OTOF: variants seen among roughly 807,000 people sequenced by gnomAD.
OTOF encodes otoferlin, also known as fer-1-like family member 2.
OTOF carries 218 observed loss-of-function variants against 236.8 expected under a neutral mutation model. The observed-to-expected ratio is 0.92, with a 90% CI of 0.82 to 1.03. The LOEUF is 1.03. Ranked by LOEUF, OTOF falls within the 50% of genes least tolerant of loss-of-function variation. The pLI is 0.00. For synonymous variants in OTOF, 1,041 were observed against 1,072.5 expected, an observed-to-expected ratio of 0.97 and a Z score of 0.57; for missense variants, 2,590 against 2,694.4, an observed-to-expected ratio of 0.96 and a Z score of 0.86.
intron 18 of OTOF, among the ~76,000 whole-genome samples, chr2:26,478,690 G>T (rs1166941775): frequency 6.6e-6 from 1 of 150,604 alleles, no homozygotes; most frequent in Non-Finnish European, 1.5e-5. Context: ...TTTTTATTTT[G>T]TTTTATTTTA....
intron 1 of OTOF, among the ~76,000 whole-genome samples, chr2:26,555,041 G>A (rs1298940322): frequency 6.6e-6 from 1 of 152,204 alleles, no homozygotes; most frequent in Non-Finnish European, 1.5e-5. Context: ...GCTCAGCACT[G>A]GACAGAAGGT....
chr2:26,462,231 C>G lies in OTOF; in HGVS notation c.5193-50G>C, dbSNP rs757145355. The stretch of plus-strand genomic sequence containing the variant: ...TTAGCAGCCCCAGGTGGGGGTTATG[C>G]CAGGGTGCCAGGGCTGGGATGGGGC... On this transcript the variant is annotated intron_variant, in intron 41 of 46. Coordinates refer to ENST00000272371, the MANE Select transcript of OTOF (RefSeq NM_194248.3). The surrounding 1 kb of genome is among the most constrained non-coding windows in gnomAD (Gnocchi z 4.7). 22 of 1,499,150 alleles carry G rather than the reference C, an allele frequency of 1.5e-5. No homozygotes were observed. Among genetic ancestry groups the G allele is most frequent in the East Asian group, 2.3e-5 (1 of 44,326 alleles). 92.9% of individuals were successfully genotyped at this position (1,499,150 alleles called of 1,614,324 possible).
chr2:26,479,666 G>A lies in OTOF; in HGVS notation c.1913-13C>T. On this transcript the variant is annotated splice_polypyrimidine_tract_variant and intron_variant, in intron 16 of 46. Coordinates refer to ENST00000272371, the MANE Select transcript of OTOF (RefSeq NM_194248.3). ...TTCCCATAGTTGCCTGGAGCAGAAT[G>A]GGCCCAGAAGGCCTAGAGTGCATTC... The A allele has an allele frequency of 6.2e-7, 1 of 1,611,844 alleles. No homozygotes were observed. Among genetic ancestry groups the A allele is most frequent in the Non-Finnish European group, 8.5e-7 (1 of 1,179,192 alleles).
At chr2:26,552,801 G>T (rs1024776832) in intron 1 of OTOF, among the ~76,000 whole-genome samples, 3 of 152,120 alleles carry the variant, frequency 2.0e-5, no homozygotes, top group Admixed American at 6.5e-5. Context: ...AAACAAAAGC[G>T]CAGGGCTGTG....
chr2:26,523,934 A>C (rs1457795755), intron 3 of OTOF, among the ~76,000 whole-genome samples: 1 of 152,168 alleles, frequency 6.6e-6, no homozygotes, highest in Non-Finnish European at 1.5e-5. Flanking sequence ...ATCATTCCAA[A>C]CACCTCTCTC....
intron 22 of OTOF, 134 bp from the exon 23 acceptor site, chr2:26,476,451 C>T (rs1572427777): frequency 6.1e-6 from 5 of 818,774 alleles, no homozygotes; most frequent in Admixed American, 4.4e-5. Context: ...GGCTGGGGTC[C>T]GGTGGAGGCA....
chr2:26,467,032 TG>T, intron 35 of OTOF, 66 bp downstream of exon 35: 1 of 1,329,740 alleles, frequency 7.5e-7, no homozygotes, highest in Non-Finnish European at 1.0e-6. Context: ...GGGAGGTGAG[TG>T]GGGGAACCTG....
In OTOF at chr2:26,502,447, G is replaced by A. The variant is rs774716510; in HGVS notation, c.584-21C>T. 14 of 1,609,508 alleles carry A rather than the reference G, an allele frequency of 8.7e-6. No homozygotes were observed. In the African/African-American group the frequency reaches 1.5e-4, roughly 17 times the overall value. The stretch of plus-strand genomic sequence containing the variant: ...TTCATCTGGGGAAGATGAAAGACTG[G>A]TTAGGTGGGCTGACTGATGGTGAGA... On this transcript the variant is annotated intron_variant, in intron 6 of 46. Transcript: ENST00000272371.
intron 9 of OTOF, among the ~76,000 whole-genome samples, chr2:26,493,009 T>C (rs553735820): frequency 1.3e-5 from 2 of 152,230 alleles, no homozygotes; most frequent in South Asian, 2.1e-4. Context: ...TTCACTGCTA[T>C]CAAGTAACCA....
intron 18 of OTOF, among the ~76,000 whole-genome samples, chr2:26,478,641 G>C (rs1263966561): frequency 6.6e-6 from 1 of 152,088 alleles, no homozygotes; most frequent in East Asian, 1.9e-4. Flanking sequence ...GACACTGCTC[G>C]CTTCTCCCTT....
Position 26,539,773 on chromosome 2 carries a change from T to C in OTOF, c.80-1999A>G, listed in dbSNP as rs527390419. Among the ~76,000 whole-genome samples the C allele has an allele frequency of 4.6e-5, 7 of 152,218 alleles. No individual in the cohort carries two copies. In the East Asian group the frequency reaches 1.4e-3, roughly 29 times the overall value. On this transcript the variant is annotated intron_variant, in intron 1 of 46. Coordinates refer to ENST00000272371, the MANE Select transcript of OTOF (RefSeq NM_194248.3). The stretch of plus-strand genomic sequence containing the variant: ...AATAAAATAAAAAAGAAAGTGGTTA[T>C]CCCTGGGGAGGGAGAGTGAGAAGAT...
At chr2:26,472,723 G>T in intron 29 of OTOF, 74 bp from the exon 30 acceptor site, 1 of 1,513,934 alleles carries the variant, frequency 6.6e-7, no homozygotes, top group Non-Finnish European at 9.0e-7. Flanking sequence ...GGGGCAGGAA[G>T]GTGCGGAGAA....
intron 6 of OTOF, 33 bp downstream of exon 6, chr2:26,503,739 G>T: frequency 1.3e-6 from 2 of 1,592,078 alleles, no homozygotes; most frequent in Non-Finnish European, 1.7e-6. Context: ...CGCGAGGCGC[G>T]GGGCTGCGGG....
At position 26,519,067 on chromosome 2, in the gene OTOF, C is replaced by T. The variant is rs1167583997; in HGVS notation, c.270G>A (p.Glu90=). ...TGTCAGTCACCTCCACATGGCTCTC[C>T]TCTACCACCTTCTGCAGCACCATGC... The part of the protein sequence containing the change: ...TFRMVLQKVV[E]ESHVEVTDTL... Residue 90 remains glutamate (E), a synonymous_variant, in exon 4 of 47, where the codon GAG becomes GAA. Coordinates refer to ENST00000272371, the MANE Select transcript of OTOF (RefSeq NM_194248.3). 6.2e-7 allele frequency: 1 copy of T among 1,609,314 alleles called. No individual in the cohort carries two copies.
chr2:26,545,502 A>C (rs1667309710), intron 1 of OTOF, among the ~76,000 whole-genome samples: 2 of 152,062 alleles, frequency 1.3e-5, no homozygotes, highest in South Asian at 2.1e-4. Flanking sequence ...AGGAGTTTTC[A>C]ATTTTTTTTA....
chr2:26,507,702 A>G (rs941797331), intron 5 of OTOF, among the ~76,000 whole-genome samples: 3 of 152,214 alleles, frequency 2.0e-5, no homozygotes, highest in Non-Finnish European at 4.4e-5. Context: ...TCTTGGGCGT[A>G]TTAAAGCTTG....
intron 25 of OTOF, 73 bp downstream of exon 25, chr2:26,475,286 C>T (rs977108152): frequency 1.4e-5 from 22 of 1,553,884 alleles, no homozygotes; most frequent in African/African-American, 6.8e-5. Context: ...ACAGCCTCAG[C>T]GCAGGTGGAG....
intron 29 of OTOF, among the ~76,000 whole-genome samples, 167 bp from the exon 30 acceptor site, chr2:26,472,816 G>A (rs1392603714): frequency 6.6e-6 from 1 of 152,124 alleles, no homozygotes; most frequent in Non-Finnish European, 1.5e-5. Context: ...GGGAAGAAGA[G>A]AGCCCGAGAT....
rs755371801 is a variant in OTOF, at chr2:26,461,667, T to C, written c.5533+29A>G. On this transcript the variant is annotated intron_variant, in intron 43 of 46. Transcript: ENST00000272371. The surrounding 1 kb of genome is among the most constrained non-coding windows in gnomAD (Gnocchi z 6.2). ...CCTGCCTCTTCTCAGTTCTGGATCC[T>C]GAACCCCCATCCCTGCCCTGCTCTG... 6 of 1,612,730 alleles carry C rather than the reference T, an allele frequency of 3.7e-6. No individual in the cohort carries two copies. In the South Asian group the frequency reaches 6.6e-5, roughly 18 times the overall value.
Sources: gnomAD v4.1 joint callset for allele counts (sites outside exome capture counted in the v4.1 genomes callset) on GRCh38, gnomAD v4.1.1 for gene constraint, Gnocchi (gnomAD v3.1) non-coding constraint, MANE v1.5 for transcripts, NCBI Gene and HGNC (gene_info 2026-07-23, HGNC 2026-07-21) for gene names.